ZFR2: variants seen among roughly 807,000 people sequenced by gnomAD.
The protein encoded by ZFR2 is zinc finger RNA-binding protein 2.
A neutral mutation model predicts 105.7 loss-of-function variants in ZFR2; 104 were observed. The observed-to-expected ratio is 0.98, with a 90% CI of 0.84 to 1.16. The LOEUF is 1.16. Ranked by LOEUF, ZFR2 falls within the 50% of genes most tolerant of loss-of-function variation. The pLI is 0.00. For missense variants in ZFR2, 1,425 were observed against 1,355.5 expected (o/e 1.05, Z -0.80); for synonymous variants, 634 against 597.7 (o/e 1.06, Z -0.89).
At chr19:3,808,092 T>C (rs7249388) in intron 17 of ZFR2, among the ~76,000 whole-genome samples, 19,801 of 149,448 alleles carry the variant, frequency 0.13, 1,561 homozygotes, top group Admixed American at 0.28. Flanking sequence ...TACATCCATG[T>C]GTGCCTGTAT....
At chr19:3,854,255 G>A (rs1371394048) in intron 1 of ZFR2, among the ~76,000 whole-genome samples, 1 of 151,980 alleles carries the variant, frequency 6.6e-6, no homozygotes, top group Non-Finnish European at 1.5e-5. Context: ...AGCCAGGCAT[G>A]GTAGCAGGCT....
chr19:3,820,953 G>A (rs1213190220), intron 10 of ZFR2, among the ~76,000 whole-genome samples: 22 of 96,220 alleles, frequency 2.3e-4, no homozygotes, highest in Non-Finnish European at 4.0e-4. Flanking sequence ...GACACTAGAG[G>A]TCGGTGGACA....
intron 1 of ZFR2, among the ~76,000 whole-genome samples, chr19:3,846,223 C>A (rs981831504): frequency 6.6e-6 from 1 of 152,200 alleles, no homozygotes; most frequent in African/African-American, 2.4e-5. Context: ...GTGATCCACC[C>A]GCCTCAGCCT....
Position 3,823,520 on chromosome 19 carries a change from T to C in ZFR2, c.1214-117A>G, listed in dbSNP as rs1282087013. The C allele has an allele frequency of 1.9e-6, 2 of 1,055,490 alleles. No homozygotes were observed. Among genetic ancestry groups the C allele is most frequent in the Non-Finnish European group, 2.7e-6 (2 of 747,344 alleles). The allele number at this position is 1,055,490 out of a possible 1,614,324, so 65.4% of individuals were successfully genotyped here. ...CAGACTGCAGGCTGTGCCATCCCCC[T>C]CCCTCCTGTGATGTCAGGGGGAATG... On this transcript the variant is annotated intron_variant, in intron 7 of 18. Transcript: ENST00000262961. The surrounding 1 kb of genome is among the most constrained non-coding windows in gnomAD (Gnocchi z 5.4).
rs1555757818 is a variant in ZFR2, at chr19:3,844,013, T to TGGAG, written c.54-9031_54-9030insCTCC. ...ATTCACAGAGACAGAAAGTAGGATG[T>TGGAG]GGGGGGGGGGGTGCCAGGGACCGGG... On this transcript the variant is annotated intron_variant, in intron 1 of 18. Transcript: ENST00000262961. Among the ~76,000 whole-genome samples, 4 of 34,744 alleles carry TGGAG rather than the reference T, an allele frequency of 1.2e-4. No homozygotes were observed. The South Asian group carries it at 2.9e-3, about 25-fold the overall frequency. The allele number at this position is 34,744 out of a possible 152,430, so 22.8% of individuals were successfully genotyped here. A position where few individuals can be genotyped will look rare whatever the true frequency, so the allele number is the denominator to read the frequency against.
At chr19:3,851,129 C>G (rs1253016584) in intron 1 of ZFR2, among the ~76,000 whole-genome samples, 10 of 151,964 alleles carry the variant, frequency 6.6e-5, no homozygotes, top group Non-Finnish European at 1.0e-4. Context: ...CCCCAGCCGA[C>G]CAAGACAGGT....
intron 17 of ZFR2, among the ~76,000 whole-genome samples, chr19:3,808,473 C>T (rs756355341): frequency 1.2e-4 from 19 of 152,192 alleles, no homozygotes; most frequent in East Asian, 1.9e-4. Flanking sequence ...GGCAGCTCTG[C>T]GCCCTCTGTC....
chr19:3,862,161 T>C (rs565237453), intron 1 of ZFR2, among the ~76,000 whole-genome samples: 4 of 152,274 alleles, frequency 2.6e-5, no homozygotes, highest in East Asian at 3.9e-4. Flanking sequence ...CTGATCATTC[T>C]AAATACACAC....
chr19:3,811,131 G>T, intron 15 of ZFR2, 141 bp downstream of exon 15: 1 of 866,028 alleles, frequency 1.2e-6, no homozygotes, highest in Non-Finnish European at 1.7e-6. Flanking sequence ...TCAGCACTCG[G>T]CCAGGAAGCT....
At chr19:3,839,991 G>C (rs938928126) in intron 1 of ZFR2, among the ~76,000 whole-genome samples, 1 of 152,080 alleles carries the variant, frequency 6.6e-6, no homozygotes, top group African/African-American at 2.4e-5. Context: ...GTGTTTTTCA[G>C]TTACATGTGT....
chr19:3,859,647 G>T (rs1041509933), intron 1 of ZFR2, among the ~76,000 whole-genome samples: 2 of 152,216 alleles, frequency 1.3e-5, no homozygotes, highest in African/African-American at 4.8e-5. Context: ...GGCCTCAGGG[G>T]CCAGAGAGAC....
At chr19:3,845,006 A>G (rs1366368807) in intron 1 of ZFR2, among the ~76,000 whole-genome samples, 1 of 71,152 alleles carries the variant, frequency 1.4e-5, no homozygotes, top group Non-Finnish European at 2.5e-5. Context: ...TCAGCAACAC[A>G]GACTTATTTA....
At chr19:3,816,984 CA>C in intron 12 of ZFR2, 139 bp from the exon 13 acceptor site, 1 of 781,580 alleles carries the variant, frequency 1.3e-6, no homozygotes, top group Non-Finnish European at 2.0e-6. Flanking sequence ...GAAATGGGAC[CA>C]GGCCGCTCTG....
intron 1 of ZFR2, among the ~76,000 whole-genome samples, chr19:3,867,349 G>A (rs558092129): frequency 2.1e-4 from 32 of 152,040 alleles, no homozygotes; most frequent in Admixed American, 3.3e-4. Context: ...CCTGGCTCCC[G>A]GACTGGGACT....
At chr19:3,818,926 G>A (rs1251112837) in intron 12 of ZFR2, 119 bp downstream of exon 12, 4 of 1,295,636 alleles carry the variant, frequency 3.1e-6, no homozygotes, top group African/African-American at 1.5e-5. Flanking sequence ...GAAAGCTGCC[G>A]CGGGCCACCG....
At chr19:3,819,507 G>C (rs931762342) in intron 11 of ZFR2, among the ~76,000 whole-genome samples, 1 of 152,218 alleles carries the variant, frequency 6.6e-6, no homozygotes. Flanking sequence ...TTCCAGACCA[G>C]AGGCTTTTGA....
chr19:3,808,728 G>T, intron 17 of ZFR2, 144 bp downstream of exon 17: 1 of 637,948 alleles, frequency 1.6e-6, no homozygotes, highest in Non-Finnish European at 2.6e-6. Flanking sequence ...CCTGCTGGGA[G>T]CATGTGTGTG....
At chr19:3,847,565 TA>T (rs1352210907) in intron 1 of ZFR2, among the ~76,000 whole-genome samples, 2 of 152,042 alleles carry the variant, frequency 1.3e-5, no homozygotes, top group Non-Finnish European at 2.9e-5. Flanking sequence ...AGAATATTTG[TA>T]AAAAAGAATC....
At chr19:3,821,973 A>G in intron 9 of ZFR2, 108 bp downstream of exon 9, 1 of 1,439,996 alleles carries the variant, frequency 6.9e-7, no homozygotes, top group Non-Finnish European at 9.2e-7. Flanking sequence ...CTCCCTCTTA[A>G]GTTCGTCGGA....
Sources: gnomAD v4.1 joint callset for allele counts (sites outside exome capture counted in the v4.1 genomes callset) on GRCh38, gnomAD v4.1.1 for gene constraint, Gnocchi (gnomAD v3.1) non-coding constraint, MANE v1.5 for transcripts, NCBI Gene and HGNC (gene_info 2026-07-23, HGNC 2026-07-21) for gene names.